The following WDR70 variants were observed in gnomAD, a reference collection of about 807,000 sequenced individuals.
The protein encoded by WDR70 is WD repeat-containing protein 70.
In WDR70, 53 loss-of-function variants were observed where a neutral mutation model predicts 88.6. That is an observed-to-expected ratio of 0.60 (90% CI 0.48 to 0.75). The LOEUF (loss-of-function observed/expected upper bound fraction) is 0.75. Among genes scored for constraint, WDR70 ranks in the 30% least tolerant of loss-of-function variants. WDR70 has a pLI of 0.00. For synonymous variants in WDR70, 280 were observed against 270.0 expected (o/e 1.04, Z -0.36); for missense variants, 610 against 823.2 (o/e 0.74, Z 3.17).
rs757458510 is a variant in WDR70, at chr5:37,605,195, C to T, written c.1049C>T (p.Ala350Val). 3 of 1,611,726 alleles carry T rather than the reference C, an allele frequency of 1.9e-6. No individual in the cohort carries two copies. The Admixed American group carries it at 5.0e-5, about 27-fold the overall frequency. The change falls in exon 10 of 18, where the codon GCC (alanine) becomes GTC (valine). Residue 350 changes from alanine to valine, a missense_variant. Ala to Val is a moderately conservative substitution (Grantham distance 64). Transcript: ENST00000265107. ...YSRDGNLIAA[A>V]CQNGSIQIWD... The stretch of plus-strand genomic sequence containing the variant: ...AGAGATGGAAACCTCATAGCAGCTG[C>T]CTGCCAGAATGGAAGCATACAGATC...
At chr5:37,688,891 C>T (rs1746693114) in intron 10 of WDR70, among the ~76,000 whole-genome samples, 1 of 152,020 alleles carries the variant, frequency 6.6e-6, no homozygotes. Context: ...CATCGCCTCA[C>T]CTGGGAAGCG....
chr5:37,637,339 TTAAA>T (rs34958458), intron 10 of WDR70, among the ~76,000 whole-genome samples: 36,091 of 144,884 alleles, frequency 0.25, 5,061 homozygotes, highest in East Asian at 0.52. Flanking sequence ...AATAAATAAA[TTAAA>T]TAAATAAATA....
chr5:37,512,827 C>G (rs1296633471), intron 8 of WDR70, among the ~76,000 whole-genome samples: 1 of 151,722 alleles, frequency 6.6e-6, no homozygotes, highest in African/African-American at 2.4e-5. Flanking sequence ...TCAAGCAATC[C>G]GCCTGTCTTG....
chr5:37,701,240 C>A, intron 12 of WDR70, 98 bp downstream of exon 12: 1 of 764,466 alleles, frequency 1.3e-6, no homozygotes, highest in Non-Finnish European at 2.1e-6. Flanking sequence ...TTTAGATCTT[C>A]TGGAAAAGAG....
intron 9 of WDR70, among the ~76,000 whole-genome samples, chr5:37,542,090 A>G (rs1741836039): frequency 6.6e-6 from 1 of 152,212 alleles, no homozygotes; most frequent in South Asian, 2.1e-4. Context: ...TGAAGAATAT[A>G]GAGAAATACT....
At chr5:37,480,486 G>T (rs1739629422) in intron 8 of WDR70, among the ~76,000 whole-genome samples, 1 of 152,194 alleles carries the variant, frequency 6.6e-6, no homozygotes, top group African/African-American at 2.4e-5. Flanking sequence ...ATGGTGGAAG[G>T]CAAGGAGGTG....
At chr5:37,668,844 G>C (rs1310325652) in intron 10 of WDR70, among the ~76,000 whole-genome samples, 1 of 152,122 alleles carries the variant, frequency 6.6e-6, no homozygotes, top group Non-Finnish European at 1.5e-5. Flanking sequence ...TTATCTCTTT[G>C]CCAAACACAG....
intron 5 of WDR70, among the ~76,000 whole-genome samples, chr5:37,408,934 A>G (rs1430786251): frequency 1.3e-5 from 2 of 151,916 alleles, no homozygotes; most frequent in African/African-American, 4.8e-5. Flanking sequence ...ACATGCATGA[A>G]TTTCATTTTT....
chr5:37,440,269 A>G (rs1238429974), intron 6 of WDR70, among the ~76,000 whole-genome samples: 1 of 152,178 alleles, frequency 6.6e-6, no homozygotes, highest in African/African-American at 2.4e-5. Flanking sequence ...TTTTGAAAGG[A>G]GGAGAGGGTG....
intron 10 of WDR70, among the ~76,000 whole-genome samples, chr5:37,693,345 A>C (rs1746868537): frequency 6.6e-6 from 1 of 152,210 alleles, no homozygotes; most frequent in Admixed American, 6.5e-5. Flanking sequence ...TTCTTCACAG[A>C]ATTGGAAAAA....
chr5:37,436,120 C>T (rs1314586895), intron 5 of WDR70, among the ~76,000 whole-genome samples: 1 of 151,996 alleles, frequency 6.6e-6, no homozygotes, highest in East Asian at 1.9e-4. Context: ...CAGCTGGTCA[C>T]ATCTGAATTG....
intron 13 of WDR70, among the ~76,000 whole-genome samples, chr5:37,714,238 G>T (rs1346927907): frequency 6.6e-6 from 1 of 152,122 alleles, no homozygotes; most frequent in East Asian, 1.9e-4. Flanking sequence ...TTATCTAGCA[G>T]TTAGAGATTT....
chr5:37,546,878 C>T (rs1323272551), intron 9 of WDR70, among the ~76,000 whole-genome samples: 4 of 151,354 alleles, frequency 2.6e-5, no homozygotes, highest in Non-Finnish European at 5.9e-5. Context: ...GACCATGCCA[C>T]TGCACTCCAG....
At chr5:37,554,397 T>C (rs1742236698) in intron 9 of WDR70, among the ~76,000 whole-genome samples, 1 of 152,054 alleles carries the variant, frequency 6.6e-6, no homozygotes, top group Admixed American at 6.5e-5. Flanking sequence ...TCTGTGAGAT[T>C]TGGAGGAAGA....
chr5:37,634,228 G>A (rs1389220307), intron 10 of WDR70, among the ~76,000 whole-genome samples: 1 of 151,444 alleles, frequency 6.6e-6, no homozygotes, highest in Non-Finnish European at 1.5e-5. Context: ...GAACCCAGGT[G>A]GCGGAGCTTG....
rs188141016 is a variant in WDR70 at position 37,482,227 on chromosome 5, C to T, written c.840+2240C>T. ...AGTTCCAAAGTTGCTTCCACATTTT[C>T]GGGTATCTTTACAGCAGCACCCCAC... On this transcript the variant is annotated intron_variant, in intron 8 of 17. Transcript: ENST00000265107. 2.9e-3 allele frequency among the ~76,000 whole-genome samples: 439 copies of T among 152,228 alleles called. 3 individuals carry two copies. The highest frequency in any genetic ancestry group is 3.2e-3 in the Non-Finnish European group (216 of 68,014).
chr5:37,732,008 G>T (rs938944569), intron 17 of WDR70, among the ~76,000 whole-genome samples: 1 of 152,130 alleles, frequency 6.6e-6, no homozygotes, highest in East Asian at 1.9e-4. Context: ...TTTGATAAAG[G>T]AGTAACTTCA....
At chr5:37,497,883 G>T (rs888777458) in intron 8 of WDR70, among the ~76,000 whole-genome samples, 2 of 151,990 alleles carry the variant, frequency 1.3e-5, no homozygotes, top group Non-Finnish European at 2.9e-5. Context: ...GTGCAGTGGT[G>T]CAATCTTGGC....
chr5:37,526,132 A>G (rs946629908), intron 9 of WDR70, among the ~76,000 whole-genome samples: 1 of 152,246 alleles, frequency 6.6e-6, no homozygotes, highest in Non-Finnish European at 1.5e-5. Context: ...AACTCATTTT[A>G]TGAGGCCAGC....
Sources: gnomAD v4.1 joint callset for allele counts (sites outside exome capture counted in the v4.1 genomes callset) on GRCh38, gnomAD v4.1.1 for gene constraint, MANE v1.5 for transcripts, NCBI Gene and HGNC (gene_info 2026-07-23, HGNC 2026-07-21) for gene names.